Variants in FBXL7 observed in about 807,000 individuals in gnomAD.
The protein encoded by FBXL7 is F-box and leucine rich repeat protein 7.
In FBXL7, 12 loss-of-function variants were observed where a neutral mutation model predicts 38.3. The ratio of observed to expected loss-of-function variants is 0.31; its 90% CI spans 0.20 to 0.51. The LOEUF (loss-of-function observed/expected upper bound fraction) is 0.51. Among genes scored for constraint, FBXL7 ranks in the 20% least tolerant of loss-of-function variants. The pLI is 0.98. For missense variants in FBXL7, 567 were observed against 676.4 expected (o/e 0.84, Z 1.79); for synonymous variants, 297 against 300.9 (o/e 0.99, Z 0.13).
chr5:15,691,398 C>T (rs912185116), intron 2 of FBXL7, among the ~76,000 whole-genome samples: 6 of 152,222 alleles, frequency 3.9e-5, no homozygotes, highest in African/African-American at 1.4e-4. Context: ...TCGAATGATG[C>T]CCATTCCGGT....
At chr5:15,725,562 A>G (rs562137628) in intron 2 of FBXL7, among the ~76,000 whole-genome samples, 3 of 152,314 alleles carry the variant, frequency 2.0e-5, no homozygotes, top group African/African-American at 4.8e-5. Flanking sequence ...GGTCTATCAT[A>G]TGGTCTGTCC....
At chr5:15,919,656 A>G (rs1347634602) in intron 2 of FBXL7, among the ~76,000 whole-genome samples, 1 of 152,236 alleles carries the variant, frequency 6.6e-6, no homozygotes, top group African/African-American at 2.4e-5. Flanking sequence ...TGAGTTAAGG[A>G]TCATCATTGT....
chr5:15,905,025 G>C (rs1741322412), intron 2 of FBXL7, among the ~76,000 whole-genome samples: 2 of 152,280 alleles, frequency 1.3e-5, no homozygotes, highest in South Asian at 4.1e-4. Flanking sequence ...TTTGTGGCCT[G>C]TGCTTCTCTG....
intron 2 of FBXL7, among the ~76,000 whole-genome samples, chr5:15,776,238 G>A (rs545456867): frequency 6.6e-6 from 1 of 152,192 alleles, no homozygotes; most frequent in Non-Finnish European, 1.5e-5. Flanking sequence ...ATGCAGATTA[G>A]CAAGAATTAG....
intron 2 of FBXL7, among the ~76,000 whole-genome samples, chr5:15,803,088 A>G (rs1309935126): frequency 6.6e-6 from 1 of 152,174 alleles, no homozygotes; most frequent in African/African-American, 2.4e-5. Flanking sequence ...CATACCTTCA[A>G]TGCTTTGATC....
intron 2 of FBXL7, among the ~76,000 whole-genome samples, chr5:15,813,801 T>C (rs529657128): frequency 5.1e-4 from 78 of 152,290 alleles, no homozygotes; most frequent in African/African-American, 1.8e-3. Flanking sequence ...AGAAGACATT[T>C]ATGCGGTCAA....
At chr5:15,614,057 C>G (rs1400591198) in intron 1 of FBXL7, among the ~76,000 whole-genome samples, 2 of 152,162 alleles carry the variant, frequency 1.3e-5, no homozygotes, top group African/African-American at 4.8e-5. Context: ...CTTATACCAT[C>G]ACCTTGGGGA....
At chr5:15,894,346 T>C (rs1308710403) in intron 2 of FBXL7, among the ~76,000 whole-genome samples, 5 of 152,226 alleles carry the variant, frequency 3.3e-5, no homozygotes, top group Non-Finnish European at 7.3e-5. Flanking sequence ...TTCTGGAATA[T>C]GTAGCTGGTT....
At chr5:15,563,440 T>C (rs988257986) in intron 1 of FBXL7, among the ~76,000 whole-genome samples, 6 of 152,146 alleles carry the variant, frequency 3.9e-5, no homozygotes, top group Non-Finnish European at 8.8e-5. Context: ...CTGACATTTG[T>C]TGAGTTCATG....
At chr5:15,707,740 G>A (rs1254389055) in intron 2 of FBXL7, among the ~76,000 whole-genome samples, 2 of 152,046 alleles carry the variant, frequency 1.3e-5, no homozygotes, top group Non-Finnish European at 2.9e-5. Context: ...TCTGATTTTG[G>A]GCATAACCTC....
At chr5:15,585,942 A>G (rs938999376) in intron 1 of FBXL7, among the ~76,000 whole-genome samples, 1 of 152,214 alleles carries the variant, frequency 6.6e-6, no homozygotes, top group Non-Finnish European at 1.5e-5. Context: ...CTTATTTTAA[A>G]GTAGATGATG....
chr5:15,832,926 C>G (rs570020980), intron 2 of FBXL7, among the ~76,000 whole-genome samples: 1 of 151,890 alleles, frequency 6.6e-6, no homozygotes, highest in African/African-American at 2.4e-5. Context: ...ACCATAGGGG[C>G]GGGTCTTTCC....
chr5:15,520,355 C>G (rs545511319), intron 1 of FBXL7, among the ~76,000 whole-genome samples: 1 of 152,194 alleles, frequency 6.6e-6, no homozygotes, highest in Non-Finnish European at 1.5e-5. Flanking sequence ...CTGGTTCACA[C>G]GCCTCTAACA....
At chr5:15,760,945 A>T (rs1266645335) in intron 2 of FBXL7, among the ~76,000 whole-genome samples, 4 of 152,216 alleles carry the variant, frequency 2.6e-5, no homozygotes, top group Non-Finnish European at 5.9e-5. Flanking sequence ...GACAGAAAAA[A>T]AAAAAGCAGT....
chr5:15,650,677 A>G (rs1307513856), intron 2 of FBXL7, among the ~76,000 whole-genome samples: 1 of 152,232 alleles, frequency 6.6e-6, no homozygotes, highest in East Asian at 1.9e-4. Context: ...GGAATATTTT[A>G]AATGTTTTCT....
At chr5:15,541,847 C>T (rs1561021349) in intron 1 of FBXL7, among the ~76,000 whole-genome samples, 1 of 151,854 alleles carries the variant, frequency 6.6e-6, no homozygotes, top group Non-Finnish European at 1.5e-5. Context: ...GCCTGGCTCC[C>T]ACTCACCTGT....
chr5:15,700,123 A>C (rs2126631949), intron 2 of FBXL7, among the ~76,000 whole-genome samples: 1 of 152,348 alleles, frequency 6.6e-6, no homozygotes, highest in Non-Finnish European at 1.5e-5. Flanking sequence ...ATTATCAGAA[A>C]GATGATGAAA....
chr5:15,689,267 GTT>G lies in FBXL7; in HGVS notation c.127+73210_127+73211del, dbSNP rs34173414. Among the ~76,000 whole-genome samples, 452 of 142,614 alleles carry G rather than the reference GTT, an allele frequency of 3.2e-3. 3 individuals are homozygous for G. The highest frequency in any genetic ancestry group is 0.011 in the African/African-American group (425 of 38,606). The allele number at this position is 142,614 out of a possible 152,430, so 93.6% of individuals were successfully genotyped here. ...GCTGCTTGTCATCAGTTTATTTTCA[GTT>G]TTTTTTTTTTTTTTAGAAAAATGCA... On this transcript the variant is annotated intron_variant, in intron 2 of 3. Transcript: ENST00000504595.
intron 1 of FBXL7, among the ~76,000 whole-genome samples, chr5:15,557,023 C>G (rs1445492538): frequency 6.6e-6 from 1 of 152,168 alleles, no homozygotes; most frequent in African/African-American, 2.4e-5. Context: ...CTGCAAGCTC[C>G]GCTTCCTGGG....
Sources: allele counts gnomAD v4.1 joint callset (sites outside exome capture counted in the v4.1 genomes callset), GRCh38; gene constraint gnomAD v4.1.1; transcripts MANE v1.5; gene names NCBI Gene and HGNC (gene_info 2026-07-23, HGNC 2026-07-21).